ALG14: variants seen among roughly 807,000 people sequenced by gnomAD.
The protein encoded by ALG14 is ALG14 UDP-N-acetylglucosaminyltransferase subunit, also known as UDP-N-acetylglucosamine transferase subunit ALG14.
Under a neutral mutation model 22.8 loss-of-function variants are expected in ALG14, and 17 were observed. The observed-to-expected ratio is 0.75, with a 90% CI of 0.51 to 1.12. The LOEUF is 1.12. ALG14 is among the 50% of genes most tolerant of loss of function. The probability of loss-of-function intolerance (pLI) is 0.00; values close to 1 mark genes in which losing one functional copy is unlikely to be tolerated. For synonymous variants in ALG14, 89 were observed against 103.7 expected (o/e 0.86, Z 0.86); for missense variants, 288 against 271.8 (o/e 1.06, Z -0.42).
At chr1:94,984,056 G>A (rs944930220) in intron 3 of ALG14, among the ~76,000 whole-genome samples, 1 of 151,956 alleles carries the variant, frequency 6.6e-6, no homozygotes, top group Non-Finnish European at 1.5e-5. Context: ...ATTTTTATAA[G>A]CCATTGAAGA....
intron 3 of ALG14, among the ~76,000 whole-genome samples, chr1:95,017,144 G>A (rs1257972907): frequency 2.0e-5 from 3 of 152,142 alleles, no homozygotes; most frequent in African/African-American, 7.2e-5. Flanking sequence ...AGGAGGCCCT[G>A]ATGAGTGCTG....
chr1:95,014,701 TATAA>T (rs1026740212), intron 3 of ALG14, among the ~76,000 whole-genome samples: 1 of 152,226 alleles, frequency 6.6e-6, no homozygotes, highest in Non-Finnish European at 1.5e-5. Context: ...CAAATTGATT[TATAA>T]ATAATTTTTA....
intron 3 of ALG14, among the ~76,000 whole-genome samples, chr1:95,017,499 CT>C (rs1430097291): frequency 6.6e-6 from 1 of 152,070 alleles, no homozygotes; most frequent in Non-Finnish European, 1.5e-5. Flanking sequence ...CCTCTAGGGT[CT>C]TTGTGACAAA....
intron 3 of ALG14, among the ~76,000 whole-genome samples, chr1:94,989,853 A>G (rs1213968972): frequency 1.3e-5 from 2 of 152,210 alleles, no homozygotes; most frequent in Non-Finnish European, 2.9e-5. Flanking sequence ...GTTTGCTATC[A>G]AGAACCCTAA....
chr1:95,062,286 A>T (rs995097691), intron 2 of ALG14: 3 of 152,066 alleles, frequency 2.0e-5, no homozygotes, highest in African/African-American at 4.8e-5. Context: ...TTAAGCAACC[A>T]TTTTTTTTCC....
chr1:95,069,586 G>GAC (rs1675493244), intron 1 of ALG14, among the ~76,000 whole-genome samples: 1 of 144,714 alleles, frequency 6.9e-6, no homozygotes, highest in African/African-American at 2.7e-5. Flanking sequence ...TGACATTGGA[G>GAC]ATAGAGGCCT....
In ALG14 at chr1:94,981,456, GCTT is replaced by G. The variant is rs1322698785; in HGVS notation, c.*1617_*1619del. ...AGAAGACAGTTTTTTTGTTTTTTTTGCTTTTTTTTTTTAAAAAAAAAAAAAAGA... is the reference window on the plus strand; with the variant it reads ...AGAAGACAGTTTTTTTGTTTTTTTTGTTTTTTTTTAAAAAAAAAAAAAAGA... On this transcript the variant is annotated 3_prime_UTR_variant, in exon 4 of 4. Coordinates refer to ENST00000370205, the MANE Select transcript of ALG14 (RefSeq NM_144988.4). 9.8e-6 allele frequency: 1 copy of G among 102,034 alleles called. No homozygotes were observed. Among genetic ancestry groups the G allele is most frequent in the Non-Finnish European group, 2.0e-5 (1 of 49,402 alleles). 6.3% of individuals were successfully genotyped at this position (102,034 alleles called of 1,614,324 possible).
At chr1:94,999,964 C>T (rs1425110398) in intron 3 of ALG14, among the ~76,000 whole-genome samples, 1 of 152,190 alleles carries the variant, frequency 6.6e-6, no homozygotes, top group Non-Finnish European at 1.5e-5. Flanking sequence ...CAGCCCCAAC[C>T]CCTCCTGCTC....
chr1:95,045,355 G>C (rs937458752), intron 2 of ALG14, among the ~76,000 whole-genome samples: 1 of 152,114 alleles, frequency 6.6e-6, no homozygotes, highest in Admixed American at 6.6e-5. Flanking sequence ...TGATTTTAGA[G>C]AGAAAGAATG....
chr1:95,049,419 C>G (rs1674670738), intron 2 of ALG14, among the ~76,000 whole-genome samples: 1 of 151,994 alleles, frequency 6.6e-6, no homozygotes, highest in African/African-American at 2.4e-5. Context: ...CCTGTAGTCC[C>G]AGCTACTCAG....
At chr1:95,058,047 G>C (rs910800253) in intron 2 of ALG14, among the ~76,000 whole-genome samples, 1 of 151,798 alleles carries the variant, frequency 6.6e-6, no homozygotes, top group African/African-American at 2.4e-5. Flanking sequence ...CAGCACTTTG[G>C]GAGGCTGAGG....
chr1:95,068,975 C>T (rs1378451002), intron 1 of ALG14, among the ~76,000 whole-genome samples: 1 of 152,170 alleles, frequency 6.6e-6, no homozygotes, highest in African/African-American at 2.4e-5. Flanking sequence ...TAAAATCTTC[C>T]AATCTCATCT....
rs1256331206 is a variant in ALG14, at chr1:94,978,776, C to T, written c.*4300G>A. 1 of 151,636 alleles carries T rather than the reference C, an allele frequency of 6.6e-6. No homozygotes were observed. The highest frequency in any genetic ancestry group is 6.6e-5 in the Admixed American group (1 of 15,242). 9.4% of individuals were successfully genotyped at this position (151,636 alleles called of 1,614,324 possible). On this transcript the variant is annotated 3_prime_UTR_variant, in exon 4 of 4. Transcript: ENST00000370205. ...TTTCCCTATCTAGAACACCAACTAC[C>T]TTCTACTCCGTCATAGTACCCTGTT...
chr1:95,058,480 C>T (rs1419999304), intron 2 of ALG14, among the ~76,000 whole-genome samples: 3 of 142,824 alleles, frequency 2.1e-5, no homozygotes, highest in East Asian at 2.2e-4. Context: ...AGCTGGGCGC[C>T]GTGGCACATG....
intron 3 of ALG14, among the ~76,000 whole-genome samples, chr1:94,989,211 A>G (rs1672713844): frequency 6.6e-6 from 1 of 152,156 alleles, no homozygotes; most frequent in South Asian, 2.1e-4. Context: ...GTGATCCCTA[A>G]AGTTTAATTT....
chr1:95,060,125 CACAA>C (rs1480434253), intron 2 of ALG14, among the ~76,000 whole-genome samples: 101 of 87,352 alleles, frequency 1.2e-3, no homozygotes, highest in African/African-American at 4.2e-3. Flanking sequence ...TACATACACA[CACAA>C]ACACACACAC....
At chr1:95,026,935 T>C (rs918519094) in intron 3 of ALG14, among the ~76,000 whole-genome samples, 194 bp downstream of exon 3, 8 of 152,304 alleles carry the variant, frequency 5.3e-5, no homozygotes, top group Middle Eastern at 3.4e-3. Context: ...GGGTGGCTTA[T>C]AAAGAACTGA....
intron 2 of ALG14, among the ~76,000 whole-genome samples, chr1:95,043,961 C>T (rs1245037695): frequency 6.6e-6 from 1 of 152,026 alleles, no homozygotes; most frequent in Non-Finnish European, 1.5e-5. Context: ...CTGGGAAGTC[C>T]CTCTAAATCC....
chr1:95,008,022 A>G (rs1039047633), intron 3 of ALG14, among the ~76,000 whole-genome samples: 4 of 152,214 alleles, frequency 2.6e-5, no homozygotes, highest in African/African-American at 9.6e-5. Flanking sequence ...GGAATTAACT[A>G]ATAAAATGAT....
Sources: allele counts gnomAD v4.1 joint callset (sites outside exome capture counted in the v4.1 genomes callset), GRCh38; gene constraint gnomAD v4.1.1; transcripts MANE v1.5; gene names NCBI Gene and HGNC (gene_info 2026-07-23, HGNC 2026-07-21).